NAV2: variants seen among roughly 807,000 people sequenced by gnomAD.
The protein encoded by NAV2 is helicase, APC down-regulated 1.
In NAV2, 54 loss-of-function variants were observed where a neutral mutation model predicts 223.2. The observed-to-expected ratio is 0.24, with a 90% CI of 0.19 to 0.30. The LOEUF is 0.30. NAV2 is among the 10% of genes least tolerant of loss of function. The probability of loss-of-function intolerance (pLI) is 1.00; values close to 1 mark genes in which losing one functional copy is unlikely to be tolerated. For synonymous variants in NAV2, 1,279 were observed against 1,239.3 expected (o/e 1.03, Z -0.67); for missense variants, 2,806 against 3,147.5 (o/e 0.89, Z 2.60).
chr11:19,708,815 A>G (rs1193225376), upstream of NAV2, among the ~76,000 whole-genome samples: 1 of 152,126 alleles, frequency 6.6e-6, no homozygotes, highest in Non-Finnish European at 1.5e-5. Flanking sequence ...CTGAGCCAGA[A>G]GAAAAATAAA....
At chr11:19,927,718 A>AAAAC (rs2044910106) in intron 6 of NAV2, among the ~76,000 whole-genome samples, 2 of 105,778 alleles carry the variant, frequency 1.9e-5, no homozygotes, top group African/African-American at 3.6e-5. Context: ...CAAAACAAAA[A>AAAAC]AAACCTGTTT....
chr11:19,923,137 C>A (rs911443539), intron 6 of NAV2, among the ~76,000 whole-genome samples: 1 of 152,118 alleles, frequency 6.6e-6, no homozygotes, highest in African/African-American at 2.4e-5. Context: ...CTTCTTCTCC[C>A]TTTTTAATTG....
At chr11:19,666,988 C>T (rs778347551) in intron 1 of NAV2, among the ~76,000 whole-genome samples, 1 of 152,126 alleles carries the variant, frequency 6.6e-6, no homozygotes, top group Non-Finnish European at 1.5e-5. Context: ...ATTTAAATGC[C>T]GCTTCCTCCA....
chr11:19,628,807 C>A (rs780524148), intron 1 of NAV2, among the ~76,000 whole-genome samples: 1 of 152,166 alleles, frequency 6.6e-6, no homozygotes, highest in Non-Finnish European at 1.5e-5. Context: ...GGTCCCCTAC[C>A]CTTCTAGTCT....
chr11:20,116,155 ATAT>A (rs1437387301), intron 37 of NAV2, among the ~76,000 whole-genome samples: 1 of 152,218 alleles, frequency 6.6e-6, no homozygotes, highest in Non-Finnish European at 1.5e-5. Context: ...ATAACAGAGA[ATAT>A]TATTTACATT....
chr11:19,779,572 A>C (rs560188479), intron 1 of NAV2, among the ~76,000 whole-genome samples: 2 of 152,346 alleles, frequency 1.3e-5, no homozygotes, highest in African/African-American at 4.8e-5. Context: ...TCTTGGTTTG[A>C]ATTCCAGCCT....
intron 11 of NAV2, among the ~76,000 whole-genome samples, chr11:20,011,577 C>A (rs1402269716): frequency 6.6e-6 from 1 of 152,198 alleles, no homozygotes; most frequent in Admixed American, 6.5e-5. Flanking sequence ...AGACACACAT[C>A]GCTTAAGCAA....
At chr11:19,859,670 G>C (rs1474006416) in intron 3 of NAV2, among the ~76,000 whole-genome samples, 4 of 152,002 alleles carry the variant, frequency 2.6e-5, no homozygotes, top group Admixed American at 6.5e-5. Context: ...CCTCCCAGAC[G>C]GGGTGGTGGC....
At chr11:19,759,169 G>A (rs774145437) in intron 1 of NAV2, among the ~76,000 whole-genome samples, 36 of 127,052 alleles carry the variant, frequency 2.8e-4, no homozygotes, top group Non-Finnish European at 4.0e-4. Flanking sequence ...TGCAAGCTCC[G>A]CCTCCCGGGT....
chr11:19,814,987 A>G (rs577386427), intron 1 of NAV2, among the ~76,000 whole-genome samples: 1 of 151,382 alleles, frequency 6.6e-6, no homozygotes, highest in East Asian at 2.0e-4. Flanking sequence ...TTATCTGCTT[A>G]ATGCTTACTC....
At chr11:19,708,313 T>C (rs1451562441), upstream of NAV2, among the ~76,000 whole-genome samples, 1 of 152,140 alleles carries the variant, frequency 6.6e-6, no homozygotes, top group Non-Finnish European at 1.5e-5. Context: ...AACCCATTTG[T>C]AGAAAATTAA....
chr11:19,645,289 C>T (rs1249515368), intron 1 of NAV2, among the ~76,000 whole-genome samples: 4 of 152,212 alleles, frequency 2.6e-5, no homozygotes, highest in African/African-American at 9.6e-5. Context: ...CTGACACAGA[C>T]TCTCCTGCCT....
At chr11:20,050,174 C>T (rs1294888004) in intron 16 of NAV2, among the ~76,000 whole-genome samples, 4 of 152,274 alleles carry the variant, frequency 2.6e-5, no homozygotes, top group East Asian at 3.9e-4. Context: ...CGGAAGCTCT[C>T]GCTTGCATCT....
At chr11:19,848,793 T>A (rs994062918) in intron 3 of NAV2, among the ~76,000 whole-genome samples, 2 of 152,196 alleles carry the variant, frequency 1.3e-5, no homozygotes, top group Non-Finnish European at 2.9e-5. Flanking sequence ...ACTCTGCTTT[T>A]GGGTGGGGGC....
chr11:19,971,875 G>A (rs970312431), intron 10 of NAV2, among the ~76,000 whole-genome samples: 5 of 152,128 alleles, frequency 3.3e-5, no homozygotes, highest in African/African-American at 1.2e-4. Flanking sequence ...GCTAATTTTT[G>A]TATTTTTAGT....
Position 19,880,112 on chromosome 11 carries a change from C to T in NAV2, c.755C>T (p.Ala252Val). The T allele has an allele frequency of 6.3e-7, 1 of 1,596,930 alleles. No individual in the cohort carries two copies. Among genetic ancestry groups the T allele is most frequent in the Middle Eastern group, 1.7e-4 (1 of 5,942 alleles). ...CCACATCAGCAGTCAAAAGCACAAG[C>T]TGAAATGCAGTCCAGGTGGGGGCTC... ...PAPHQQSKAQ[A>V]EMQSRLPGPT... The change falls in exon 5 of 38, where the codon GCT becomes GTT. Residue 252 changes from alanine to valine, a missense_variant. Transcript: ENST00000349880.
At chr11:19,391,623 T>A (rs1849252162) in intron 1 of NAV2, among the ~76,000 whole-genome samples, 1 of 151,752 alleles carries the variant, frequency 6.6e-6, no homozygotes, top group African/African-American at 2.4e-5. Context: ...GTGTTGCTAG[T>A]GGCACTGCTG....
intron 6 of NAV2, among the ~76,000 whole-genome samples, chr11:19,898,080 C>G (rs1450547376): frequency 6.6e-6 from 1 of 151,890 alleles, no homozygotes; most frequent in Non-Finnish European, 1.5e-5. Flanking sequence ...TAAATTAACA[C>G]TGCCTGGGAT....
chr11:19,602,713 CA>C (rs1445701566), intron 1 of NAV2, among the ~76,000 whole-genome samples: 1 of 152,178 alleles, frequency 6.6e-6, no homozygotes, highest in South Asian at 2.1e-4. Context: ...GTGACAGCAT[CA>C]CTCCAATCTC....
Sources: allele counts gnomAD v4.1 joint callset (sites outside exome capture counted in the v4.1 genomes callset), GRCh38; gene constraint gnomAD v4.1.1; transcripts MANE v1.5; gene names NCBI Gene and HGNC (gene_info 2026-07-23, HGNC 2026-07-21).